The following PRRC1 variants were observed in gnomAD, a reference collection of about 807,000 sequenced individuals.
PRRC1 encodes proline rich coiled-coil 1, also known as protein PRRC1.
Under a neutral mutation model 40.7 loss-of-function variants are expected in PRRC1, and 39 were observed. The observed-to-expected ratio is 0.96, with a 90% confidence interval of 0.74 to 1.25. The LOEUF is 1.25. Among genes scored for constraint, PRRC1 ranks in the 50% most tolerant of loss-of-function variants. The pLI is 0.00. For synonymous variants in PRRC1, 175 were observed against 193.3 expected, an observed-to-expected ratio of 0.91 and a Z score of 0.79; for missense variants, 573 against 548.3, an observed-to-expected ratio of 1.05 and a Z score of -0.45.
Position 127,551,843 on chromosome 5 carries a change from G to T in PRRC1, c.1265G>T (p.Arg422Leu). 1.9e-6 allele frequency: 3 copies of T among 1,614,012 alleles called. No homozygotes were observed. The highest frequency in any genetic ancestry group is 1.7e-6 in the Non-Finnish European group (2 of 1,179,988). Residue 422 changes from arginine (R) to leucine (L), a missense_variant, in exon 9 of 9, where the codon CGG becomes CTG. By Grantham distance (102) the Arg-to-Leu change is moderately radical (BLOSUM62 -2). Coordinates refer to ENST00000296666, the MANE Select transcript of PRRC1 (RefSeq NM_130809.5). ...ATGGCATTTACTGGGATGTCCCGTCGGCAGATGATCTACAGTGCAGCCAGA... is the reference window on the plus strand; with the variant it reads ...ATGGCATTTACTGGGATGTCCCGTCTGCAGATGATCTACAGTGCAGCCAGA... ...WHMAFTGMSR[R>L]QMIYSAARAI...
chr5:127,543,923 C>T (rs777272287), intron 7 of PRRC1, among the ~76,000 whole-genome samples: 2,132 of 152,288 alleles, frequency 0.014, 15 homozygotes, highest in Non-Finnish European at 0.022. Context: ...TGAGGAACTG[C>T]GTTCCTTTGG....
chr5:127,519,350 G>C (rs1400515723), intron 1 of PRRC1, among the ~76,000 whole-genome samples: 1 of 152,104 alleles, frequency 6.6e-6, no homozygotes, highest in African/African-American at 2.4e-5. Flanking sequence ...TCTTTCCTAC[G>C]TTCACAGCCA....
intron 7 of PRRC1, among the ~76,000 whole-genome samples, chr5:127,540,573 A>G (rs533835498): frequency 9.2e-5 from 14 of 152,060 alleles, no homozygotes; most frequent in African/African-American, 3.1e-4. Flanking sequence ...CTCACTACCA[A>G]TTCTCTCAGC....
chr5:127,524,183 A>G (rs1030371327), intron 2 of PRRC1: 4 of 193,282 alleles, frequency 2.1e-5, no homozygotes, highest in Non-Finnish European at 3.2e-5. Flanking sequence ...CTACTGCTCT[A>G]TGACTTTGTG....
At chr5:127,523,861 T>C in intron 2 of PRRC1, 2 of 277,642 alleles carry the variant, frequency 7.2e-6, no homozygotes, top group Non-Finnish European at 1.3e-5. Context: ...AAAGCATGTG[T>C]TAGCTTTGTC....
intron 8 of PRRC1, 119 bp from the exon 9 acceptor site, chr5:127,551,588 C>T (rs1024984224): frequency 9.4e-7 from 1 of 1,058,910 alleles, no homozygotes. Flanking sequence ...CTGTATTTCT[C>T]AGAGTTTGTC....
chr5:127,526,662 C>G lies in PRRC1; in HGVS notation c.538C>G (p.Leu180Val). The part of the protein sequence containing the change: ...PITQQASLTS[L>V]AQGTGTTSAI... The stretch of plus-strand genomic sequence containing the variant: ...TACTCAGCAAGCCAGTTTGACATCT[C>G]TGGCACAGGGAACTGGAACCACATC... The change falls in exon 4 of 9, where the codon CTG becomes GTG. Residue 180 changes from leucine (L) to valine (V), a missense_variant. Coordinates refer to ENST00000296666, the MANE Select transcript of PRRC1 (RefSeq NM_130809.5). 6.2e-7 allele frequency: 1 copy of G among 1,613,418 alleles called. No homozygotes were observed. Among genetic ancestry groups the G allele is most frequent in the Non-Finnish European group, 8.5e-7 (1 of 1,179,636 alleles).
Position 127,524,799 on chromosome 5 carries a change from C to T in PRRC1, c.372C>T (p.Pro124=), listed in dbSNP as rs1561679427. Residue 124 remains proline, a synonymous_variant, in exon 3 of 9, where the codon CCC becomes CCT. Coordinates refer to ENST00000296666, the MANE Select transcript of PRRC1 (RefSeq NM_130809.5). ...TSAPNTLLPA[P]PSGPPISGFS... is the part of the protein sequence containing the mutation. ...CCCCAAACACTCTTTTACCTGCACC[C>T]CCTTCGGGTCCTCCTATATCAGGAT... 1.2e-6 allele frequency: 2 copies of T among 1,614,068 alleles called. No homozygotes were observed. Among genetic ancestry groups the T allele is most frequent in the African/African-American group, 2.7e-5 (2 of 74,918 alleles).
chr5:127,540,912 T>C (rs888751084), intron 7 of PRRC1, among the ~76,000 whole-genome samples: 2 of 151,966 alleles, frequency 1.3e-5, no homozygotes, highest in African/African-American at 4.8e-5. Flanking sequence ...ACTCTGATGG[T>C]AATAGGAGTG....
chr5:127,547,772 G>C (rs1450448531), intron 7 of PRRC1, 47 bp from the exon 8 acceptor site: 1 of 1,303,722 alleles, frequency 7.7e-7, no homozygotes, highest in Admixed American at 1.8e-5. Flanking sequence ...TTCATGATAA[G>C]TTTTATTTGG....
At position 127,517,685 on chromosome 5, in the gene PRRC1, T is replaced by A. The variant is rs1767350885; in HGVS notation, c.-112T>A. ...CCGAGGTAACTTCCAGGGTGCGCCTTCGTTGTCTTCTCCAAGCTGTAGTTC... is the reference window on the plus strand; with the variant it reads ...CCGAGGTAACTTCCAGGGTGCGCCTACGTTGTCTTCTCCAAGCTGTAGTTC... On this transcript the variant is annotated 5_prime_UTR_variant, in exon 1 of 9. Coordinates refer to ENST00000296666, the MANE Select transcript of PRRC1 (RefSeq NM_130809.5). 1 of 152,026 alleles carries A rather than the reference T, an allele frequency of 6.6e-6. No homozygotes were observed. Among genetic ancestry groups the A allele is most frequent in the Non-Finnish European group, 1.5e-5 (1 of 68,008 alleles). 9.4% of individuals were successfully genotyped at this position (152,026 alleles called of 1,614,324 possible). A position where few individuals can be genotyped will look rare whatever the true frequency, so the allele number is the denominator to read the frequency against.
In PRRC1 at chr5:127,552,450, A is replaced by G. The variant is rs1165611698; in HGVS notation, c.*534A>G. 9.4e-5 allele frequency: 93 copies of G among 986,978 alleles called. No individual in the cohort carries two copies. Among genetic ancestry groups the G allele is most frequent in the Non-Finnish European group, 1.0e-4 (86 of 830,752 alleles). The allele number at this position is 986,978 out of a possible 1,614,324, so 61.1% of individuals were successfully genotyped here. On this transcript the variant is annotated 3_prime_UTR_variant, in exon 9 of 9. Coordinates refer to ENST00000296666, the MANE Select transcript of PRRC1 (RefSeq NM_130809.5). ...CGGGAGATGTTCCACATTTCTGTGC[A>G]TGTTTTCAGTAATATGGGCCAAAAT...
intron 2 of PRRC1, 85 bp from the exon 3 acceptor site, chr5:127,524,446 G>A: frequency 7.3e-7 from 1 of 1,360,810 alleles, no homozygotes; most frequent in South Asian, 1.5e-5. Flanking sequence ...TAAAAATTTT[G>A]CAAGAAGAAA....
intron 3 of PRRC1, among the ~76,000 whole-genome samples, chr5:127,526,115 C>A (rs1489322418): frequency 6.6e-6 from 1 of 152,204 alleles, no homozygotes; most frequent in Non-Finnish European, 1.5e-5. Context: ...TAGGGAAAAG[C>A]AGTAGCTTTG....
At chr5:127,535,198 T>C (rs1257672814) in intron 6 of PRRC1, among the ~76,000 whole-genome samples, 1 of 152,188 alleles carries the variant, frequency 6.6e-6, no homozygotes, top group Non-Finnish European at 1.5e-5. Flanking sequence ...TACATGCACA[T>C]ATTTTTGATT....
chr5:127,527,432 C>T (rs1471901569), intron 4 of PRRC1, among the ~76,000 whole-genome samples: 1 of 152,054 alleles, frequency 6.6e-6, no homozygotes, highest in East Asian at 1.9e-4. Context: ...GAGATCTCTT[C>T]TAATTGTAAT....
intron 6 of PRRC1, among the ~76,000 whole-genome samples, chr5:127,534,308 A>C (rs2127101816): frequency 6.6e-6 from 1 of 152,272 alleles, no homozygotes. Context: ...AAACCCCAAC[A>C]AATTCTTTGA....
rs539891680 is a variant in PRRC1, at chr5:127,517,713, C to T, written c.-84C>T. 6.6e-6 allele frequency: 1 copy of T among 152,352 alleles called. No homozygotes were observed. The highest frequency in any genetic ancestry group is 2.1e-4 in the South Asian group (1 of 4,826). 9.4% of individuals were successfully genotyped at this position (152,352 alleles called of 1,614,324 possible). The stretch of plus-strand genomic sequence containing the variant: ...TTGTCTTCTCCAAGCTGTAGTTCTA[C>T]GTCCCGACCTCCCTATCATACCACA... On this transcript the variant is annotated 5_prime_UTR_variant, in exon 1 of 9. It adds an upstream start codon to the 5' untranslated region. Transcript: ENST00000296666.
chr5:127,552,440 A>T lies in PRRC1; in HGVS notation c.*524A>T. On this transcript the variant is annotated 3_prime_UTR_variant, in exon 9 of 9. Transcript: ENST00000296666. ...ACCTACTTGTCGGGAGATGTTCCAC[A>T]TTTCTGTGCATGTTTTCAGTAATAT... 1 of 987,086 alleles carries T rather than the reference A, an allele frequency of 1.0e-6. No homozygotes were observed. The highest frequency in any genetic ancestry group is 1.2e-6 in the Non-Finnish European group (1 of 830,764). 61.1% of individuals were successfully genotyped at this position (987,086 alleles called of 1,614,324 possible). A position where few individuals can be genotyped will look rare whatever the true frequency, so the allele number is the denominator to read the frequency against.
Sources: allele counts gnomAD v4.1 joint callset (sites outside exome capture counted in the v4.1 genomes callset), GRCh38; gene constraint gnomAD v4.1.1; transcripts MANE v1.5; gene names NCBI Gene and HGNC (gene_info 2026-07-23, HGNC 2026-07-21).